KLF12: variants seen among roughly 807,000 people sequenced by gnomAD.
KLF12 encodes the protein KLF transcription factor 12, also known as Krueppel-like factor 12.
In KLF12, 9 loss-of-function variants were observed where a neutral mutation model predicts 37.8. The ratio of observed to expected loss-of-function variants is 0.24; its 90% CI spans 0.14 to 0.42. The LOEUF is 0.42. KLF12 is among the 10% of genes least tolerant of loss of function. The probability of loss-of-function intolerance (pLI) is 1.00; values close to 1 mark genes in which losing one functional copy is unlikely to be tolerated. For synonymous variants in KLF12, 208 were observed against 202.1 expected (o/e 1.03, Z -0.25); for missense variants, 411 against 516.0 (o/e 0.80, Z 1.97).
chr13:74,017,396 T>C (rs1892719759), intron 1 of KLF12, among the ~76,000 whole-genome samples: 1 of 151,770 alleles, frequency 6.6e-6, no homozygotes, highest in South Asian at 2.1e-4. Flanking sequence ...TTTGATTCTA[T>C]TTGAGATCTT....
chr13:74,024,976 C>T (rs925213412), intron 1 of KLF12, among the ~76,000 whole-genome samples: 1 of 152,098 alleles, frequency 6.6e-6, no homozygotes, highest in Non-Finnish European at 1.5e-5. Flanking sequence ...ATGGAATCTC[C>T]CTTTATAACC....
chr13:73,909,399 T>C (rs1407490720), intron 3 of KLF12, among the ~76,000 whole-genome samples: 1 of 152,194 alleles, frequency 6.6e-6, no homozygotes, highest in African/African-American at 2.4e-5. Flanking sequence ...GAAGTACACA[T>C]GATGAAGCAT....
intron 5 of KLF12, among the ~76,000 whole-genome samples, chr13:73,805,638 GAGGGAGGGAGGGAGGA>G (rs1882543181): frequency 4.4e-4 from 19 of 43,180 alleles, no homozygotes; most frequent in Non-Finnish European, 6.3e-4. Context: ...GGGAGGGAGG[GAGGGAGGGAGGGAGGA>G]AGGAAGGAAG....
chr13:73,789,913 T>A (rs1219230201), intron 5 of KLF12, among the ~76,000 whole-genome samples: 1 of 152,138 alleles, frequency 6.6e-6, no homozygotes, highest in African/African-American at 2.4e-5. Flanking sequence ...CCTGACCTTG[T>A]GATCCGCCCA....
chr13:73,852,846 G>C, intron 3 of KLF12, among the ~76,000 whole-genome samples: 1 of 150,862 alleles, frequency 6.6e-6, no homozygotes. Context: ...ATCAAATAAT[G>C]TACTCTCTGT....
At chr13:73,906,405 T>G (rs1447115538) in intron 3 of KLF12, among the ~76,000 whole-genome samples, 1 of 152,202 alleles carries the variant, frequency 6.6e-6, no homozygotes, top group Non-Finnish European at 1.5e-5. Flanking sequence ...TTCTTACATA[T>G]ATTTTCCAGT....
intron 1 of KLF12, among the ~76,000 whole-genome samples, chr13:74,042,245 A>G (rs1893423461): frequency 1.3e-5 from 2 of 150,630 alleles, no homozygotes; most frequent in South Asian, 4.2e-4. Context: ...TGGATGTTGC[A>G]GTGAGCTGAG....
intron 1 of KLF12, among the ~76,000 whole-genome samples, chr13:74,068,349 GA>G (rs1200855210): frequency 6.6e-6 from 1 of 151,950 alleles, no homozygotes. Flanking sequence ...TACTACAATG[GA>G]AAAAATAAGA....
chr13:74,278,516 A>T, the KLF12 span, among the ~76,000 whole-genome samples: 14 of 152,194 alleles, frequency 9.2e-5, no homozygotes, highest in Admixed American at 6.5e-4. Context: ...AGGTTTTCCA[A>T]GCTAGAATCA....
chr13:74,252,196 G>A, the KLF12 span, among the ~76,000 whole-genome samples: 1 of 152,082 alleles, frequency 6.6e-6, no homozygotes, highest in Non-Finnish European at 1.5e-5. Context: ...TTGACCTAAC[G>A]CTTGTTTACC....
At chr13:74,202,839 G>C in the KLF12 span, among the ~76,000 whole-genome samples, 1 of 152,116 alleles carries the variant, frequency 6.6e-6, no homozygotes, top group African/African-American at 2.4e-5. Context: ...ACCATTGAGT[G>C]GTAGCCCTTG....
At chr13:73,772,482 A>G (rs554235403) in intron 5 of KLF12, among the ~76,000 whole-genome samples, 5 of 152,376 alleles carry the variant, frequency 3.3e-5, no homozygotes, top group Non-Finnish European at 5.9e-5. Flanking sequence ...AGGACAATGA[A>G]GGAGGTACAC....
intron 1 of KLF12, among the ~76,000 whole-genome samples, chr13:74,083,286 G>A (rs774641325): frequency 6.6e-6 from 1 of 152,144 alleles, no homozygotes; most frequent in African/African-American, 2.4e-5. Context: ...ACCAAGGCAG[G>A]CGGATCACTT....
chr13:74,206,797 T>C, the KLF12 span, among the ~76,000 whole-genome samples: 5 of 152,210 alleles, frequency 3.3e-5, no homozygotes, highest in African/African-American at 9.6e-5. Flanking sequence ...TTATTTAATT[T>C]TGTGTATTAG....
intron 5 of KLF12, among the ~76,000 whole-genome samples, chr13:73,811,012 G>GTT (rs1882912157): frequency 2.8e-5 from 1 of 36,302 alleles, no homozygotes; most frequent in Admixed American, 3.1e-4. Context: ...TTTTTTAGGA[G>GTT]TCTCACTCTG....
chr13:74,010,939 C>G (rs1215938844), intron 1 of KLF12, among the ~76,000 whole-genome samples: 1 of 152,098 alleles, frequency 6.6e-6, no homozygotes, highest in Non-Finnish European at 1.5e-5. Context: ...TCTGAAAATC[C>G]ATCATCCAGC....
intron 4 of KLF12, among the ~76,000 whole-genome samples, chr13:73,829,030 T>C (rs986485954): frequency 2.2e-4 from 33 of 152,200 alleles, no homozygotes; most frequent in Non-Finnish European, 1.0e-4. Context: ...CCACCGAGTA[T>C]ACTGCCCCTC....
At chr13:74,269,447 G>C in the KLF12 span, among the ~76,000 whole-genome samples, 2 of 152,114 alleles carry the variant, frequency 1.3e-5, no homozygotes, top group Non-Finnish European at 2.9e-5. Flanking sequence ...ATTTATGTGT[G>C]ATGGAGGCAA....
intron 2 of KLF12, among the ~76,000 whole-genome samples, chr13:73,975,831 G>T (rs1365878981): frequency 6.6e-6 from 1 of 152,100 alleles, no homozygotes; most frequent in African/African-American, 2.4e-5. Context: ...CTGTAGGTCT[G>T]TCTCTTTTAG....
Sources: allele counts gnomAD v4.1 joint callset (sites outside exome capture counted in the v4.1 genomes callset), GRCh38; gene constraint gnomAD v4.1.1; transcripts MANE v1.5; gene names NCBI Gene and HGNC (gene_info 2026-07-23, HGNC 2026-07-21).